The following ARHGEF17 variants were observed in gnomAD, a reference collection of about 807,000 sequenced individuals.
ARHGEF17 encodes 164 kDa Rho-specific guanine-nucleotide exchange factor.
ARHGEF17 carries 80 observed loss-of-function variants against 174.0 expected under a neutral mutation model. The ratio of observed to expected loss-of-function variants is 0.46; its 90% confidence interval spans 0.38 to 0.55. ARHGEF17 has a LOEUF of 0.55. Among genes scored for constraint, ARHGEF17 ranks in the 20% least tolerant of loss-of-function variants. The pLI is 0.00. For synonymous variants in ARHGEF17, 1,311 were observed against 1,189.1 expected (o/e 1.10, Z -2.11); for missense variants, 2,886 against 2,839.7 (o/e 1.02, Z -0.37).
chr11:73,329,322 CATATATATATATATATATATATATAT>C (rs1164051322), intron 1 of ARHGEF17, among the ~76,000 whole-genome samples: 4 of 15,314 alleles, frequency 2.6e-4, no homozygotes, highest in African/African-American at 9.1e-4. Context: ...TGAGAGCTTT[CATATATATATATATATATATATATAT>C]ATATATATAT....
At position 73,309,178 on chromosome 11, in the gene ARHGEF17, G is replaced by T. The variant is rs767882651; in HGVS notation, c.540G>T (p.Ala180=). ...CCCCTCGGACATGCTTCCCCCTGGC[G>T]GGTCTGCGTTCGGCGCGGCCCCTGA... ...TPPPRTCFPL[A]GLRSARPLTG... The change falls in exon 1 of 21, where the codon GCG becomes GCT. Residue 180 remains alanine (A), a synonymous_variant. Coordinates refer to ENST00000263674, the MANE Select transcript of ARHGEF17 (RefSeq NM_014786.4). The T allele has an allele frequency of 6.3e-7, 1 of 1,589,190 alleles. No homozygotes were observed. Among genetic ancestry groups the T allele is most frequent in the South Asian group, 1.1e-5 (1 of 89,204 alleles).
Position 73,362,213 on chromosome 11 carries a change from G to T in ARHGEF17, c.4668G>T (p.Val1556=), listed in dbSNP as rs148923147. The T allele has an allele frequency of 7.3e-3, 11,374 of 1,549,644 alleles. 119 individuals are homozygous for T. The highest frequency in any genetic ancestry group is 0.037 in the Middle Eastern group (202 of 5,448). The part of the protein sequence containing the change: ...CSARILCIGA[V]PGLQPRCHRE... ...CCCGCATCCTCTGCATCGGGGCGGT[G>T]CCCGGGCTGCAGCCTCGCTGCCACC... Residue 1556 remains valine, a synonymous_variant, in exon 13 of 21, where the codon GTG becomes GTT. Transcript: ENST00000263674.
chr11:73,340,859 C>G lies in ARHGEF17; in HGVS notation c.3193-6024C>G, dbSNP rs181520192. Among the ~76,000 whole-genome samples, 162 of 152,302 alleles carry G rather than the reference C, an allele frequency of 1.1e-3. 1 individual carries two copies. The highest frequency in any genetic ancestry group is 3.8e-3 in the African/African-American group (157 of 41,556). ...GTCAATTGGTCTGGCTGTTCCAGACCCCCTGCATGCCCAGCCCTGGGAGGA... is the reference window on the plus strand; with the variant it reads ...GTCAATTGGTCTGGCTGTTCCAGACGCCCTGCATGCCCAGCCCTGGGAGGA... On this transcript the variant is annotated intron_variant, in intron 1 of 20. Coordinates refer to ENST00000263674, the MANE Select transcript of ARHGEF17 (RefSeq NM_014786.4).
At position 73,365,422 on chromosome 11, in the gene ARHGEF17, C is replaced by A. The variant is rs1461488588; in HGVS notation, c.5583C>A (p.Arg1861=). ...TTTACGTGGGTCAGGATTCAAGCCG[C>A]TGCGTGGCTTGCATGGTGGACTCCA... ...HMFYVGQDSS[R]CVACMVDSSL... The change falls in exon 19 of 21, where the codon CGC becomes CGA. Residue 1861 remains arginine (R), a synonymous_variant. Transcript: ENST00000263674. The surrounding 1 kb of genome is among the most constrained non-coding windows in gnomAD (Gnocchi z 4.9). 1 of 1,614,018 alleles carries A rather than the reference C, an allele frequency of 6.2e-7. No homozygotes were observed. Among genetic ancestry groups the A allele is most frequent in the African/African-American group, 1.3e-5 (1 of 75,038 alleles).
chr11:73,339,970 C>G (rs1192408679), intron 1 of ARHGEF17, among the ~76,000 whole-genome samples: 1 of 152,184 alleles, frequency 6.6e-6, no homozygotes, highest in Non-Finnish European at 1.5e-5. Flanking sequence ...TTCTATACAA[C>G]TGCACATACC....
chr11:73,309,775 G>A lies in ARHGEF17; in HGVS notation c.1137G>A (p.Ser379=), dbSNP rs536766515. 1.9e-6 allele frequency: 3 copies of A among 1,612,858 alleles called. No individual in the cohort carries two copies. The African/African-American group carries it at 4.0e-5, about 22-fold the overall frequency. ...AFRVAKVSFP[S]YLASPAGSRG... is the part of the protein sequence containing the mutation. ...GTGTGGCCAAGGTGAGCTTTCCCTC[G>A]TACCTGGCCAGCCCCGCAGGCTCCC... The change falls in exon 1 of 21, where the codon TCG becomes TCA. Residue 379 remains serine, a synonymous_variant. Transcript: ENST00000263674.
intron 1 of ARHGEF17, among the ~76,000 whole-genome samples, chr11:73,316,104 C>G (rs1864925468): frequency 6.6e-6 from 1 of 152,186 alleles, no homozygotes; most frequent in Non-Finnish European, 1.5e-5. Flanking sequence ...CGAGGGACTT[C>G]CTAGAAGAGG....
At chr11:73,351,570 T>A (rs1865554592) in intron 2 of ARHGEF17, among the ~76,000 whole-genome samples, 1 of 152,116 alleles carries the variant, frequency 6.6e-6, no homozygotes, top group Admixed American at 6.5e-5. Context: ...CCCACGACCC[T>A]CCCTGCTCTA....
chr11:73,363,825 C>T lies in ARHGEF17; in HGVS notation c.5325C>T (p.Thr1775=), dbSNP rs771139412. The T allele has an allele frequency of 1.9e-6, 3 of 1,613,976 alleles. No individual in the cohort carries two copies. Among genetic ancestry groups the T allele is most frequent in the Non-Finnish European group, 1.7e-6 (2 of 1,180,028 alleles). ...AGCTCCAGCATGCGGCCTCTGTGAC[C>T]TGCATCTTGTAAGGCCCCAGGGTGG... ...SMKLQHAASV[T]CILYLNNQVF... is the part of the protein sequence containing the mutation. Residue 1775 remains threonine (T), a synonymous_variant, in exon 16 of 21, where the codon ACC becomes ACT. Coordinates refer to ENST00000263674, the MANE Select transcript of ARHGEF17 (RefSeq NM_014786.4).
chr11:73,356,925 C>T (rs1232324695), intron 7 of ARHGEF17, 100 bp from the exon 8 acceptor site: 2 of 1,486,084 alleles, frequency 1.3e-6, no homozygotes, highest in African/African-American at 1.4e-5. Context: ...GAAGAGCCCT[C>T]ACTCTCCCTG....
intron 1 of ARHGEF17, among the ~76,000 whole-genome samples, chr11:73,337,367 A>G (rs557597123): frequency 3.4e-3 from 517 of 150,798 alleles, no homozygotes; most frequent in Middle Eastern, 6.8e-3. Flanking sequence ...TCACGCCACT[A>G]CACTCCAGCC....
At chr11:73,330,776 A>G (rs1337496919) in intron 1 of ARHGEF17, among the ~76,000 whole-genome samples, 3 of 152,242 alleles carry the variant, frequency 2.0e-5, no homozygotes, top group Non-Finnish European at 4.4e-5. Context: ...AGGTGGAGGC[A>G]GAGAGTAAGA....
intron 3 of ARHGEF17, chr11:73,353,276 C>G (rs1010283864): frequency 5.6e-6 from 3 of 536,614 alleles, no homozygotes; most frequent in Non-Finnish European, 1.0e-5. Flanking sequence ...TGGACCCTAC[C>G]CCGCTCCTGG....
intron 1 of ARHGEF17, among the ~76,000 whole-genome samples, chr11:73,330,215 CACTTG>C (rs1865183826): frequency 6.6e-6 from 1 of 152,078 alleles, no homozygotes; most frequent in South Asian, 2.1e-4. Context: ...CCTGATTTGT[CACTTG>C]ACTTTTGACT....
Position 73,368,039 on chromosome 11 carries a change from T to A in ARHGEF17, c.*259T>A. On this transcript the variant is annotated 3_prime_UTR_variant, in exon 21 of 21. Coordinates refer to ENST00000263674, the MANE Select transcript of ARHGEF17 (RefSeq NM_014786.4). ...GGGGACATGTGGGCTGACCAGGACC[T>A]CTGACCCTGGAGCTTCTACCAAAGA... is the stretch of plus-strand genomic sequence containing the variant. The A allele has an allele frequency of 4.7e-6, 2 of 425,698 alleles. No homozygotes were observed. The highest frequency in any genetic ancestry group is 7.3e-5 in the East Asian group (2 of 27,586). The allele number at this position is 425,698 out of a possible 1,614,324, so 26.4% of individuals were successfully genotyped here. A position where few individuals can be genotyped will look rare whatever the true frequency, so the allele number is the denominator to read the frequency against.
intron 1 of ARHGEF17, among the ~76,000 whole-genome samples, chr11:73,332,976 C>G (rs1370960164): frequency 6.6e-6 from 1 of 152,144 alleles, no homozygotes; most frequent in Non-Finnish European, 1.5e-5. Flanking sequence ...AATTTGCTCA[C>G]AGTCCCACAG....
In ARHGEF17 at chr11:73,362,474, C is replaced by G. The variant is rs777259994; in HGVS notation, c.4736C>G (p.Pro1579Arg). 5 of 1,591,754 alleles carry G rather than the reference C, an allele frequency of 3.1e-6. No homozygotes were observed. The highest frequency in any genetic ancestry group is 1.3e-5 in the African/African-American group (1 of 74,728). The part of the protein sequence containing the change: ...PSLRSPPETA[P>R]EPAGPELDVE... The stretch of plus-strand genomic sequence containing the variant: ...CTGAGGAGTCCTCCAGAGACGGCAC[C>G]GGAGCCCGCCGGGCCGGAGCTGGAC... The change falls in exon 14 of 21, where the codon CCG becomes CGG. Residue 1579 changes from proline to arginine, a missense_variant. By Grantham distance (103) the Pro-to-Arg change is moderately radical. Transcript: ENST00000263674.
chr11:73,341,069 C>G (rs983089836), intron 1 of ARHGEF17, among the ~76,000 whole-genome samples: 1 of 152,142 alleles, frequency 6.6e-6, no homozygotes, highest in Admixed American at 6.5e-5. Flanking sequence ...TATAAGTGCC[C>G]TGGCTTACAA....
At chr11:73,332,444 C>T (rs2134400978) in intron 1 of ARHGEF17, among the ~76,000 whole-genome samples, 2 of 142,308 alleles carry the variant, frequency 1.4e-5, no homozygotes, top group South Asian at 2.3e-4. Context: ...AGAATGTATG[C>T]TTCTTGCTTC....
Sources: gnomAD v4.1 joint callset for allele counts (sites outside exome capture counted in the v4.1 genomes callset) on GRCh38, gnomAD v4.1.1 for gene constraint, Gnocchi (gnomAD v3.1) non-coding constraint, MANE v1.5 for transcripts, NCBI Gene and HGNC (gene_info 2026-07-23, HGNC 2026-07-21) for gene names.